Variants in CATSPERB observed in about 807,000 individuals in gnomAD.
The protein encoded by CATSPERB is catsper channel auxiliary subunit beta.
A neutral mutation model predicts 128.3 loss-of-function variants in CATSPERB; 93 were observed. The observed-to-expected ratio is 0.72, with a 90% CI of 0.61 to 0.86. The LOEUF is 0.86. Among genes scored for constraint, CATSPERB ranks in the 40% least tolerant of loss-of-function variants. The pLI is 0.00. For synonymous variants in CATSPERB, 381 were observed against 448.8 expected (o/e 0.85, Z 1.91); for missense variants, 1,153 against 1,329.5 (o/e 0.87, Z 2.06).
At chr14:91,684,812 T>C (rs1895345732) in intron 10 of CATSPERB, among the ~76,000 whole-genome samples, 1 of 151,962 alleles carries the variant, frequency 6.6e-6, no homozygotes, top group Non-Finnish European at 1.5e-5. Context: ...AGACAAGGTT[T>C]CACCATGTTG....
At chr14:91,678,327 C>T (rs2139836110) in intron 11 of CATSPERB, among the ~76,000 whole-genome samples, 1 of 152,312 alleles carries the variant, frequency 6.6e-6, no homozygotes, top group African/African-American at 2.4e-5. Context: ...CTAAGGCAAA[C>T]AAAGTTCAGC....
chr14:91,638,385 C>T (rs901718883), intron 16 of CATSPERB, among the ~76,000 whole-genome samples: 3 of 149,422 alleles, frequency 2.0e-5, no homozygotes, highest in Admixed American at 6.9e-5. Flanking sequence ...GAAAGGTAGA[C>T]CACAGCTCAT....
chr14:91,662,716 G>A (rs983794698), intron 14 of CATSPERB, among the ~76,000 whole-genome samples: 10 of 152,108 alleles, frequency 6.6e-5, no homozygotes, highest in African/African-American at 1.7e-4. Context: ...ATTTTGTATC[G>A]ACAGAATTTA....
At chr14:91,595,579 G>A (rs1206724926) in intron 22 of CATSPERB, among the ~76,000 whole-genome samples, 1 of 152,112 alleles carries the variant, frequency 6.6e-6, no homozygotes, top group African/African-American at 2.4e-5. Context: ...TGGGGCTTCT[G>A]TGCCTGTCAG....
intron 17 of CATSPERB, chr14:91,635,707 G>A (rs1894361640): frequency 6.6e-6 from 1 of 152,128 alleles, no homozygotes; most frequent in South Asian, 2.1e-4. Context: ...GTAGCTTTAA[G>A]GGTTATTGAC....
intron 22 of CATSPERB, among the ~76,000 whole-genome samples, chr14:91,597,032 A>T (rs1893518507): frequency 1.3e-5 from 2 of 150,634 alleles, no homozygotes; most frequent in Admixed American, 6.6e-5. Context: ...GACTACAGGC[A>T]CCCACCACCA....
At chr14:91,669,505 C>T (rs954902945) in intron 14 of CATSPERB, among the ~76,000 whole-genome samples, 1 of 152,236 alleles carries the variant, frequency 6.6e-6, no homozygotes, top group South Asian at 2.1e-4. Flanking sequence ...TAGAAATACA[C>T]TTTTGATGGG....
intron 19 of CATSPERB, among the ~76,000 whole-genome samples, chr14:91,619,861 TTGTGTGTGTGTGTGTGTGTGTGTGTGTG>T: frequency 7.2e-6 from 1 of 139,126 alleles, no homozygotes; most frequent in Middle Eastern, 3.9e-3. Context: ...TGTAATAAAA[TTGTGTGTGTGTGTGTGTGTGTGTGTGTG>T]TGTGTGTGTG....
intron 26 of CATSPERB, among the ~76,000 whole-genome samples, chr14:91,585,818 C>T (rs942816885): frequency 1.4e-4 from 22 of 152,112 alleles, no homozygotes; most frequent in Admixed American, 4.6e-4. Flanking sequence ...TGAATAATAT[C>T]GGATTGCATC....
intron 5 of CATSPERB, among the ~76,000 whole-genome samples, chr14:91,715,731 T>C (rs1157328944): frequency 6.6e-6 from 1 of 151,874 alleles, no homozygotes; most frequent in Non-Finnish European, 1.5e-5. Context: ...AAAAAGAAGA[T>C]CAACATTGAA....
chr14:91,731,309 T>G (rs191723150), intron 1 of CATSPERB, among the ~76,000 whole-genome samples: 59 of 152,318 alleles, frequency 3.9e-4, no homozygotes, highest in African/African-American at 1.3e-3. Context: ...TGGGGCATAG[T>G]TCCAGTCTCA....
chr14:91,723,461 C>T (rs1283907284), intron 3 of CATSPERB, among the ~76,000 whole-genome samples: 1 of 151,890 alleles, frequency 6.6e-6, no homozygotes, highest in Non-Finnish European at 1.5e-5. Flanking sequence ...ATAGAAATTC[C>T]AATTTTATTA....
At chr14:91,583,234 T>C (rs987610423) in intron 26 of CATSPERB, among the ~76,000 whole-genome samples, 27 of 152,306 alleles carry the variant, frequency 1.8e-4, no homozygotes, top group African/African-American at 5.8e-4. Context: ...CTGGCTAACA[T>C]GGTGAAACCC....
intron 6 of CATSPERB, 121 bp from the exon 7 acceptor site, chr14:91,704,822 C>G: frequency 2.2e-6 from 2 of 927,002 alleles, no homozygotes; most frequent in Admixed American, 2.7e-5. Context: ...AAAAAAGGTG[C>G]ATTACCTCAC....
intron 3 of CATSPERB, among the ~76,000 whole-genome samples, chr14:91,724,379 G>A (rs1896085509): frequency 6.6e-6 from 1 of 152,040 alleles, no homozygotes; most frequent in African/African-American, 2.4e-5. Flanking sequence ...AGCTCAGAGA[G>A]CATACACTTC....
chr14:91,594,915 A>C (rs566401462), intron 22 of CATSPERB, among the ~76,000 whole-genome samples: 1 of 152,200 alleles, frequency 6.6e-6, no homozygotes, highest in Non-Finnish European at 1.5e-5. Flanking sequence ...GGTTTTAAGA[A>C]AGCACAGCTT....
At chr14:91,637,940 C>T (rs185504088) in intron 16 of CATSPERB, among the ~76,000 whole-genome samples, 9 of 152,136 alleles carry the variant, frequency 5.9e-5, no homozygotes, top group African/African-American at 1.4e-4. Context: ...TGTATAAATG[C>T]GGAATTCACA....
intron 26 of CATSPERB, among the ~76,000 whole-genome samples, chr14:91,584,599 T>C (rs1456700344): frequency 6.6e-6 from 1 of 152,224 alleles, no homozygotes; most frequent in African/African-American, 2.4e-5. Flanking sequence ...CTCCTGACAA[T>C]GGATTCTCTT....
intron 7 of CATSPERB, among the ~76,000 whole-genome samples, chr14:91,701,068 G>A (rs1489501529): frequency 6.6e-6 from 1 of 152,132 alleles, no homozygotes; most frequent in Non-Finnish European, 1.5e-5. Context: ...TTGAAGCTAG[G>A]TACTGCATGG....
Sources: gnomAD v4.1 joint callset for allele counts (sites outside exome capture counted in the v4.1 genomes callset) on GRCh38, gnomAD v4.1.1 for gene constraint, MANE v1.5 for transcripts, NCBI Gene and HGNC (gene_info 2026-07-23, HGNC 2026-07-21) for gene names.